ATP9B: variants seen among roughly 807,000 people sequenced by gnomAD.
ATP9B encodes the protein probable phospholipid-transporting ATPase IIB.
Under a neutral mutation model 146.1 loss-of-function variants are expected in ATP9B, and 110 were observed. The ratio of observed to expected loss-of-function variants is 0.75; its 90% CI spans 0.65 to 0.88. The LOEUF is 0.88. Among genes scored for constraint, ATP9B ranks in the 40% least tolerant of loss-of-function variants. The probability of loss-of-function intolerance (pLI) is 0.00; values close to 1 mark genes in which losing one functional copy is unlikely to be tolerated. For synonymous variants in ATP9B, 604 were observed against 569.7 expected (o/e 1.06, Z -0.86); for missense variants, 1,499 against 1,496.4 (o/e 1.00, Z -0.03).
chr18:79,073,915 T>C (rs1278655878), intron 1 of ATP9B, among the ~76,000 whole-genome samples: 1 of 152,242 alleles, frequency 6.6e-6, no homozygotes, highest in Non-Finnish European at 1.5e-5. Context: ...TGATTGCCTT[T>C]TCTAATTCAG....
At chr18:79,071,457 C>T (rs1232607756) in intron 1 of ATP9B, among the ~76,000 whole-genome samples, 5 of 113,162 alleles carry the variant, frequency 4.4e-5, no homozygotes, top group East Asian at 5.3e-4. Context: ...GTTAGTGATG[C>T]GATCGTAGCT....
intron 26 of ATP9B, chr18:79,363,668 A>G (rs2097005970): frequency 1.3e-5 from 2 of 151,876 alleles, no homozygotes; most frequent in Admixed American, 6.6e-5. Context: ...ATTCGGAGGC[A>G]TAAACAGATG....
At chr18:79,249,229 A>T (rs1193070661) in intron 11 of ATP9B, among the ~76,000 whole-genome samples, 3 of 152,198 alleles carry the variant, frequency 2.0e-5, no homozygotes, top group Non-Finnish European at 2.9e-5. Context: ...TGGATTTGTG[A>T]TCGTTGCCAT....
intron 7 of ATP9B, among the ~76,000 whole-genome samples, chr18:79,173,425 TGTG>T (rs1255691307): frequency 1.4e-5 from 2 of 147,790 alleles, no homozygotes; most frequent in Non-Finnish European, 3.0e-5. Context: ...GATTTCTTCT[TGTG>T]GTGGTTTTTT....
In ATP9B at chr18:79,175,384, G is replaced by A. The variant is rs2095148219; in HGVS notation, c.779-1429G>A. ...TATAAAATGTATCTGGTTTTAAAGT[G>A]AACAGTATAAGATATATTCAAAAGG... is the stretch of plus-strand genomic sequence containing the variant. On this transcript the variant is annotated intron_variant, in intron 7 of 29. Transcript: ENST00000426216. Among the ~76,000 whole-genome samples the A allele has an allele frequency of 6.6e-5, 10 of 152,182 alleles. No individual in the cohort carries two copies. In the South Asian group the frequency reaches 2.1e-3, roughly 32 times the overall value.
intron 15 of ATP9B, among the ~76,000 whole-genome samples, chr18:79,311,060 G>A (rs1446583029): frequency 6.6e-6 from 1 of 152,042 alleles, no homozygotes; most frequent in Non-Finnish European, 1.5e-5. Flanking sequence ...ACTGAGACAG[G>A]AGAATTGCTT....
chr18:79,143,772 T>C (rs763240290), intron 5 of ATP9B, 30 bp from the exon 6 acceptor site: 2 of 1,476,668 alleles, frequency 1.4e-6, no homozygotes, highest in Non-Finnish European at 1.8e-6. Context: ...GTTGTTTCCT[T>C]GAGTTGACTG....
At chr18:79,368,266 G>A (rs1391884141) in intron 26 of ATP9B, among the ~76,000 whole-genome samples, 3 of 152,216 alleles carry the variant, frequency 2.0e-5, no homozygotes, top group East Asian at 1.9e-4. Flanking sequence ...TGGGCATGGC[G>A]CCAGGTGCCT....
intron 4 of ATP9B, among the ~76,000 whole-genome samples, chr18:79,120,461 C>T (rs1190612809): frequency 1.3e-5 from 2 of 152,042 alleles, no homozygotes; most frequent in Non-Finnish European, 1.5e-5. Flanking sequence ...TTTTCAGTTG[C>T]TTTTGGTAAT....
intron 16 of ATP9B, among the ~76,000 whole-genome samples, 192 bp downstream of exon 16, chr18:79,329,494 G>A (rs947073990): frequency 5.9e-5 from 9 of 151,694 alleles, no homozygotes; most frequent in East Asian, 5.8e-4. Context: ...TGTCTCTAGT[G>A]AGATAAAATA....
chr18:79,292,633 CAA>C (rs1413680383), intron 13 of ATP9B, among the ~76,000 whole-genome samples: 1 of 142,244 alleles, frequency 7.0e-6, no homozygotes. Context: ...GAAAAACAAA[CAA>C]AGTTAGAGGA....
intron 1 of ATP9B, among the ~76,000 whole-genome samples, chr18:79,071,888 TG>T (rs11355253): frequency 0.19 from 12,922 of 67,496 alleles, 694 homozygotes; most frequent in Non-Finnish European, 0.21. Context: ...TGTTTGGTTT[TG>T]TTTTTTTTTT....
intron 23 of ATP9B, among the ~76,000 whole-genome samples, chr18:79,346,110 TCA>T (rs1483076242): frequency 7.2e-6 from 1 of 138,808 alleles, no homozygotes; most frequent in African/African-American, 2.8e-5. Flanking sequence ...CACACGGTCA[TCA>T]CACGTCAGCT....
intron 1 of ATP9B, among the ~76,000 whole-genome samples, chr18:79,091,467 T>C (rs2074310463): frequency 6.6e-6 from 1 of 152,186 alleles, no homozygotes; most frequent in South Asian, 2.1e-4. Context: ...CATCAGTGTT[T>C]TATAGTTTTC....
chr18:79,173,454 G>C (rs1419615051), intron 7 of ATP9B, among the ~76,000 whole-genome samples: 1 of 148,668 alleles, frequency 6.7e-6, no homozygotes, highest in Admixed American at 6.7e-5. Flanking sequence ...TGTCCTAAAA[G>C]TTTTACATTG....
chr18:79,222,506 AC>A (rs1225058057), intron 11 of ATP9B, among the ~76,000 whole-genome samples: 1 of 151,968 alleles, frequency 6.6e-6, no homozygotes, highest in Non-Finnish European at 1.5e-5. Context: ...TATTGATCCC[AC>A]CCCCTGGAAT....
At chr18:79,221,981 C>G (rs2095684578) in intron 11 of ATP9B, among the ~76,000 whole-genome samples, 1 of 145,378 alleles carries the variant, frequency 6.9e-6, no homozygotes, top group Non-Finnish European at 1.5e-5. Flanking sequence ...ATACAGAAAA[C>G]TAAGGAGAAA....
In ATP9B at chr18:79,111,255, T is replaced by G. The variant is rs2075987481; in HGVS notation, c.444+750T>G. On this transcript the variant is annotated intron_variant, in intron 3 of 29. Transcript: ENST00000426216. Reference sequence around the variant, plus strand: ...GAAGCTGGTATTGATTATATTTCTATATCAAAGTTTTTGGCATGTTTTATG... The same window carrying G: ...GAAGCTGGTATTGATTATATTTCTAGATCAAAGTTTTTGGCATGTTTTATG... 3.3e-5 allele frequency among the ~76,000 whole-genome samples: 5 copies of G among 152,346 alleles called. No homozygotes were observed. The South Asian group carries it at 1.0e-3, about 32-fold the overall frequency.
intron 8 of ATP9B, among the ~76,000 whole-genome samples, chr18:79,189,425 A>G (rs542837314): frequency 7.2e-5 from 11 of 152,188 alleles, no homozygotes; most frequent in East Asian, 5.8e-4. Context: ...CTTGAACAAC[A>G]CAGGGGTCAA....
Sources: gnomAD v4.1 joint callset for allele counts (sites outside exome capture counted in the v4.1 genomes callset) on GRCh38, gnomAD v4.1.1 for gene constraint, MANE v1.5 for transcripts, NCBI Gene and HGNC (gene_info 2026-07-23, HGNC 2026-07-21) for gene names.